The following DENND2B variants were observed in gnomAD, a reference collection of about 807,000 sequenced individuals.
DENND2B encodes DENN domain containing 2B, also known as DENN domain-containing protein 2B.
A neutral mutation model predicts 116.0 loss-of-function variants in DENND2B; 32 were observed. The observed-to-expected ratio is 0.28, with a 90% CI of 0.21 to 0.37. DENND2B has a LOEUF of 0.37. DENND2B is among the 10% of genes least tolerant of loss of function. The pLI is 1.00. For missense variants in DENND2B, 1,276 were observed against 1,477.7 expected (o/e 0.86, Z 2.24); for synonymous variants, 588 against 583.9 (o/e 1.01, Z -0.10).
chr11:8,864,218 G>A (rs748582933), intron 2 of DENND2B, among the ~76,000 whole-genome samples: 19 of 152,096 alleles, frequency 1.2e-4, no homozygotes, highest in Non-Finnish European at 2.2e-4. Context: ...ATTTGGATCA[G>A]GAGGTACCCA....
intron 7 of DENND2B, 37 bp downstream of exon 7, chr11:8,714,573 C>G: frequency 6.3e-7 from 1 of 1,579,278 alleles, no homozygotes; most frequent in South Asian, 1.1e-5. Flanking sequence ...GCCCAAGGGC[C>G]CCAAACAGCT....
At chr11:8,782,384 A>C (rs2058459446) in intron 1 of DENND2B, among the ~76,000 whole-genome samples, 1 of 152,206 alleles carries the variant, frequency 6.6e-6, no homozygotes, top group South Asian at 2.1e-4. Flanking sequence ...GGAGGAGGAA[A>C]GGACTGCAGA....
chr11:8,841,974 C>A (rs1267210739), intron 3 of DENND2B, among the ~76,000 whole-genome samples: 1 of 152,164 alleles, frequency 6.6e-6, no homozygotes, highest in African/African-American at 2.4e-5. Flanking sequence ...CCATTCTCCA[C>A]GATTTCAGCA....
At chr11:8,803,819 T>C (rs2060571220) in intron 1 of DENND2B, among the ~76,000 whole-genome samples, 1 of 152,204 alleles carries the variant, frequency 6.6e-6, no homozygotes, top group Non-Finnish European at 1.5e-5. Flanking sequence ...CCCTCAGAGC[T>C]GGCTGCAAAG....
intron 1 of DENND2B, among the ~76,000 whole-genome samples, chr11:8,755,440 C>T (rs949033598): frequency 2.6e-5 from 4 of 152,090 alleles, no homozygotes; most frequent in African/African-American, 4.8e-5. Flanking sequence ...ATTTTAACTT[C>T]GCATAAGCTC....
intron 1 of DENND2B, among the ~76,000 whole-genome samples, chr11:8,908,139 A>C (rs2064262674): frequency 6.6e-6 from 1 of 152,252 alleles, no homozygotes; most frequent in African/African-American, 2.4e-5. Flanking sequence ...TCTGCCTTCA[A>C]GGAATTGAAA....
intron 4 of DENND2B, among the ~76,000 whole-genome samples, chr11:8,722,386 C>T (rs1005761304): frequency 6.6e-6 from 1 of 152,232 alleles, no homozygotes; most frequent in African/African-American, 2.4e-5. Context: ...AGCTCCATTC[C>T]TGCATGCCTG....
intron 1 of DENND2B, among the ~76,000 whole-genome samples, chr11:8,771,041 A>C (rs760388937): frequency 1.1e-4 from 16 of 152,134 alleles, no homozygotes; most frequent in Non-Finnish European, 1.9e-4. Context: ...TTCTTCATTC[A>C]TTTAGTTTCT....
chr11:8,771,223 A>G (rs570051356), intron 1 of DENND2B, among the ~76,000 whole-genome samples: 2 of 152,340 alleles, frequency 1.3e-5, no homozygotes, highest in East Asian at 1.9e-4. Context: ...AAGATTTCAG[A>G]GGAGGCAAAG....
intron 4 of DENND2B, among the ~76,000 whole-genome samples, chr11:8,824,148 C>G (rs1439085920): frequency 1.3e-5 from 2 of 151,860 alleles, no homozygotes; most frequent in African/African-American, 4.8e-5. Context: ...GTGATCTGCC[C>G]AACTAGGCCT....
rs200245165 is a variant in DENND2B at position 8,711,082 on chromosome 11, G to A, written c.2282+40C>T. On this transcript the variant is annotated intron_variant, in intron 10 of 19. Transcript: ENST00000313726. ...GTGCCCACGCTATGGGGGTAAAGAA[G>A]GCTATGCTCCTTCCTCCCTCAGGCC... The A allele has an allele frequency of 1.7e-5, 28 of 1,602,978 alleles. No individual in the cohort carries two copies. The East Asian group carries it at 5.8e-4, about 33-fold the overall frequency.
At chr11:8,782,564 C>T (rs6484423) in intron 1 of DENND2B, among the ~76,000 whole-genome samples, 140,264 of 152,198 alleles carry the variant, frequency 0.92, 65,612 homozygotes, top group Non-Finnish European at 1. Flanking sequence ...ATTAACCTTT[C>T]ACTTTTCCAT....
intron 4 of DENND2B, among the ~76,000 whole-genome samples, chr11:8,835,108 G>C (rs897807883): frequency 1.3e-5 from 2 of 152,092 alleles, no homozygotes; most frequent in African/African-American, 4.8e-5. Context: ...GCCGGGCATG[G>C]CGGTGTGTGC....
chr11:8,697,988 A>G (rs1224732491), intron 16 of DENND2B: 1 of 441,682 alleles, frequency 2.3e-6, no homozygotes, highest in Non-Finnish European at 4.5e-6. Flanking sequence ...ACAAAAAAAC[A>G]ATTAGTCAAG....
intron 4 of DENND2B, among the ~76,000 whole-genome samples, chr11:8,723,172 G>C (rs1023250121): frequency 6.6e-6 from 1 of 152,120 alleles, no homozygotes; most frequent in Non-Finnish European, 1.5e-5. Flanking sequence ...GGAGCACCCA[G>C]TGTGGCTGCT....
chr11:8,741,239 A>G (rs2050144933), intron 2 of DENND2B, among the ~76,000 whole-genome samples: 1 of 152,174 alleles, frequency 6.6e-6, no homozygotes, highest in African/African-American at 2.4e-5. Flanking sequence ...CAATTCCAGA[A>G]AGCACATCTA....
In DENND2B at chr11:8,714,025, C is replaced by G; in HGVS notation, c.1960G>C (p.Glu654Gln). 6.2e-7 allele frequency: 1 copy of G among 1,614,062 alleles called. No individual in the cohort carries two copies. The highest frequency in any genetic ancestry group is 8.5e-7 in the Non-Finnish European group (1 of 1,180,020). ...ASLRDENSES[E>Q]SDSDDRFKAH... is the part of the protein sequence containing the mutation. ...TTGAACCTGTCATCAGAGTCGCTCT[C>G]GCTCTCACTGTTTTCATCTGGAAAA... Residue 654 changes from glutamate to glutamine, a missense_variant, in exon 8 of 20, where the codon GAG becomes CAG. Glu to Gln is a conservative substitution (Grantham distance 29, BLOSUM62 2). Coordinates refer to ENST00000313726, the MANE Select transcript of DENND2B (RefSeq NM_213618.2).
intron 1 of DENND2B, among the ~76,000 whole-genome samples, chr11:8,772,159 A>C (rs922144892): frequency 3.4e-5 from 5 of 146,066 alleles, no homozygotes; most frequent in Non-Finnish European, 6.1e-5. Context: ...ACACACACAC[A>C]CCAAAATTTT....
At chr11:8,904,132 A>C (rs2064206304) in intron 1 of DENND2B, among the ~76,000 whole-genome samples, 1 of 152,108 alleles carries the variant, frequency 6.6e-6, no homozygotes, top group Non-Finnish European at 1.5e-5. Context: ...AGAAACAAGA[A>C]AACTAGAGAT....
Sources: gnomAD v4.1 joint callset for allele counts (sites outside exome capture counted in the v4.1 genomes callset) on GRCh38, gnomAD v4.1.1 for gene constraint, MANE v1.5 for transcripts, NCBI Gene and HGNC (gene_info 2026-07-23, HGNC 2026-07-21) for gene names.